NBEA: variants seen among roughly 807,000 people sequenced by gnomAD.
NBEA encodes the protein neurobeachin.
A neutral mutation model predicts 343.4 loss-of-function variants in NBEA; 44 were observed. The ratio of observed to expected loss-of-function variants is 0.13; its 90% CI spans 0.10 to 0.16. NBEA has a LOEUF of 0.16. NBEA is among the 10% of genes least tolerant of loss of function. NBEA has a pLI of 1.00. For synonymous variants in NBEA, 1,175 were observed against 1,238.7 expected (o/e 0.95, Z 1.08); for missense variants, 2,555 against 3,631.3 (o/e 0.70, Z 7.62).
intron 17 of NBEA, among the ~76,000 whole-genome samples, chr13:35,126,447 A>G (rs1220095414): frequency 6.6e-6 from 1 of 152,204 alleles, no homozygotes; most frequent in Admixed American, 6.6e-5. Context: ...CTGGAAGAAA[A>G]TAACTATACA....
intron 13 of NBEA, among the ~76,000 whole-genome samples, chr13:35,113,943 C>T (rs1397486996): frequency 6.6e-6 from 1 of 152,002 alleles, no homozygotes; most frequent in Non-Finnish European, 1.5e-5. Flanking sequence ...CCAGTAGGAC[C>T]CTTCACATGG....
At chr13:35,472,261 G>GA (rs1435194283) in intron 40 of NBEA, 139 bp from the exon 41 acceptor site, 6 of 827,828 alleles carry the variant, frequency 7.2e-6, no homozygotes, top group Admixed American at 2.9e-5. Context: ...TATCTTACGT[G>GA]AAAAAAGAGT....
At chr13:35,430,178 A>G (rs2045010531) in intron 38 of NBEA, among the ~76,000 whole-genome samples, 1 of 151,836 alleles carries the variant, frequency 6.6e-6, no homozygotes, top group Non-Finnish European at 1.5e-5. Flanking sequence ...GTGGTATTGC[A>G]TTGTGGTTTT....
At chr13:35,540,864 G>A (rs550099613) in intron 41 of NBEA, among the ~76,000 whole-genome samples, 1 of 152,280 alleles carries the variant, frequency 6.6e-6, no homozygotes, top group African/African-American at 2.4e-5. Context: ...GCTCTTTTGA[G>A]TAGTTCCTGG....
intron 48 of NBEA, among the ~76,000 whole-genome samples, chr13:35,621,407 C>A (rs1228369011): frequency 6.6e-6 from 1 of 152,082 alleles, no homozygotes; most frequent in African/African-American, 2.4e-5. Flanking sequence ...TCAGAGAAGC[C>A]TTCCCTGACC....
intron 18 of NBEA, among the ~76,000 whole-genome samples, chr13:35,148,321 TAAGTA>T (rs1044145479): frequency 1.3e-5 from 2 of 152,178 alleles, no homozygotes; most frequent in African/African-American, 2.4e-5. Flanking sequence ...CATAACTCAT[TAAGTA>T]AAGTCCATTG....
At chr13:35,383,744 ATGAACAATAAC>A (rs2042113364) in intron 38 of NBEA, among the ~76,000 whole-genome samples, 3 of 152,244 alleles carry the variant, frequency 2.0e-5, no homozygotes, top group African/African-American at 7.2e-5. Context: ...AGTTAGGAAA[ATGAACAATAAC>A]TAAAATTATT....
At chr13:35,591,122 C>T (rs577524741) in intron 46 of NBEA, among the ~76,000 whole-genome samples, 6 of 152,104 alleles carry the variant, frequency 3.9e-5, no homozygotes, top group Admixed American at 3.9e-4. Flanking sequence ...CTTATTTAAT[C>T]CCATAATTCC....
intron 39 of NBEA, among the ~76,000 whole-genome samples, chr13:35,436,724 A>AG (rs2045463988): frequency 3.3e-5 from 5 of 152,028 alleles, no homozygotes; most frequent in Admixed American, 3.3e-4. Flanking sequence ...AAAAAAAAAA[A>AG]AAATCTGCTT....
rs1418981543 is a variant in NBEA at position 35,600,004 on chromosome 13, GTTTGTT to G, written c.7297-6420_7297-6415del. The stretch of plus-strand genomic sequence containing the variant: ...TTCAGAAAATATGATTAAGTGTAAA[GTTTGTT>G]TGAGCTCAAAGCTTGAGAATGGTCA... On this transcript the variant is annotated intron_variant, in intron 47 of 58. Coordinates refer to ENST00000379939, the MANE Select transcript of NBEA (RefSeq NM_001385012.1). Among the ~76,000 whole-genome samples the G allele has an allele frequency of 2.9e-4, 44 of 152,166 alleles. 1 individual carries two copies. The highest frequency in any genetic ancestry group is 1.0e-3 in the African/African-American group (42 of 41,440).
In NBEA at chr13:35,670,912, C is replaced by T. The variant is rs1339802880; in HGVS notation, c.8825C>T (p.Thr2942Ile). The T allele has an allele frequency of 6.3e-7, 1 of 1,595,032 alleles. No homozygotes were observed. Residue 2942 changes from threonine (T) to isoleucine (I), a missense_variant, in exon 59 of 59, where the codon ACT becomes ATT. Thr to Ile is a moderately conservative substitution (Grantham distance 89). This residue lies in a region of NBEA where 186 missense variants were observed against 328.9 expected (regional missense o/e 0.57). Transcript: ENST00000379939. ...TTCTGCTTTTCCAGGACTCTGATCACTGGCATGGCTTCTGGTAGCATTGTA... is the reference window on the plus strand; with the variant it reads ...TTCTGCTTTTCCAGGACTCTGATCATTGGCATGGCTTCTGGTAGCATTGTA... ...DLSHDQRTLI[T>I]GMASGSIVAF...
At chr13:34,996,221 T>C (rs2060935068) in intron 1 of NBEA, among the ~76,000 whole-genome samples, 1 of 152,202 alleles carries the variant, frequency 6.6e-6, no homozygotes, top group African/African-American at 2.4e-5. Flanking sequence ...GCTTGCTACT[T>C]GGAAAAGCAA....
chr13:35,420,632 A>G (rs117456010), intron 38 of NBEA, among the ~76,000 whole-genome samples: 4,511 of 152,088 alleles, frequency 0.03, 107 homozygotes, highest in Non-Finnish European at 0.045. Flanking sequence ...CAGTGAAACT[A>G]TCTAGGCCTG....
rs1194883709 is a variant in NBEA, at chr13:34,943,103, G to C, written c.283G>C (p.Val95Leu). The C allele has an allele frequency of 6.2e-7, 1 of 1,613,366 alleles. No homozygotes were observed. The highest frequency in any genetic ancestry group is 8.5e-7 in the Non-Finnish European group (1 of 1,179,710). The change falls in exon 1 of 59, where the codon GTG (valine) becomes CTG (leucine). Residue 95 changes from valine (V) to leucine (L), a missense_variant. By Grantham distance (32) the Val-to-Leu change is conservative. Transcript: ENST00000379939. The part of the protein sequence containing the change: ...EVSNRDIVET[V>L]LNLLVGGEFD... ...CAGCAACAGGGACATCGTGGAGACG[G>C]TGCTCAACCTGGTAAGGAAAAGGCG...
intron 47 of NBEA, among the ~76,000 whole-genome samples, chr13:35,603,211 G>C (rs1047392650): frequency 6.6e-6 from 1 of 151,964 alleles, no homozygotes; most frequent in African/African-American, 2.4e-5. Flanking sequence ...CAGATTTCTA[G>C]TCTTATTAAA....
intron 30 of NBEA, among the ~76,000 whole-genome samples, chr13:35,187,276 C>T (rs2071786282): frequency 6.6e-6 from 1 of 151,736 alleles, no homozygotes; most frequent in Admixed American, 6.6e-5. Flanking sequence ...TGAATTAGCT[C>T]TCTGGTCTCT....
chr13:35,075,863 C>T (rs1427067122), intron 10 of NBEA, among the ~76,000 whole-genome samples: 1 of 151,890 alleles, frequency 6.6e-6, no homozygotes, highest in African/African-American at 2.4e-5. Flanking sequence ...CTGCCTTAGC[C>T]AGATTTCCTC....
In NBEA at chr13:35,038,099, C is replaced by T. The variant is rs115823869; in HGVS notation, c.295-2834C>T. Among the ~76,000 whole-genome samples, 1,128 of 152,254 alleles carry T rather than the reference C, an allele frequency of 7.4e-3. 12 individuals are homozygous for T. Among genetic ancestry groups the T allele is most frequent in the African/African-American group, 0.026 (1,068 of 41,562 alleles). On this transcript the variant is annotated intron_variant, in intron 1 of 58. Transcript: ENST00000379939. ...ACAGTCCTTCCCCTTTTCCACTTTT[C>T]CCCTTTTCCCCTTTCCAAAGGCTGA...
Position 35,290,383 on chromosome 13 carries a change from T to C in NBEA, c.5777-6T>C. On this transcript the variant is annotated splice_region_variant and splice_polypyrimidine_tract_variant and intron_variant, in intron 34 of 58. Coordinates refer to ENST00000379939, the MANE Select transcript of NBEA (RefSeq NM_001385012.1). ...TTCATTTTGTTTTAACCTTTCTTTG[T>C]TGTAGGCCTTGTTTGTATGAAGTCC... is the stretch of plus-strand genomic sequence containing the variant. 1.3e-6 allele frequency: 2 copies of C among 1,594,748 alleles called. No homozygotes were observed. Among genetic ancestry groups the C allele is most frequent in the Non-Finnish European group, 8.6e-7 (1 of 1,164,930 alleles).
Sources: gnomAD v4.1 joint callset for allele counts (sites outside exome capture counted in the v4.1 genomes callset) on GRCh38, gnomAD v4.1.1 for gene constraint, gnomAD v4.1.1 regional missense constraint, MANE v1.5 for transcripts, NCBI Gene and HGNC (gene_info 2026-07-23, HGNC 2026-07-21) for gene names.